The following ZFPM2 variants were observed in gnomAD, a reference collection of about 807,000 sequenced individuals.
ZFPM2 encodes the protein zinc finger protein, FOG family member 2.
Under a neutral mutation model 98.6 loss-of-function variants are expected in ZFPM2, and 20 were observed. The observed-to-expected ratio is 0.20, with a 90% CI of 0.14 to 0.29. The LOEUF (loss-of-function observed/expected upper bound fraction) is 0.29, where lower values mean the gene tolerates loss of function less well. Ranked by LOEUF, ZFPM2 falls within the 10% of genes least tolerant of loss-of-function variation. The pLI is 1.00. For synonymous variants in ZFPM2, 518 were observed against 502.7 expected (o/e 1.03, Z -0.41); for missense variants, 1,310 against 1,388.6 (o/e 0.94, Z 0.90).
chr8:105,529,385 A>G (rs1268379795), intron 3 of ZFPM2, among the ~76,000 whole-genome samples: 1 of 152,172 alleles, frequency 6.6e-6, no homozygotes, highest in Non-Finnish European at 1.5e-5. Context: ...AATTTTGAAC[A>G]TAAATTTGCC....
chr8:105,335,039 AC>A (rs1812303011), intron 1 of ZFPM2, among the ~76,000 whole-genome samples: 1 of 151,602 alleles, frequency 6.6e-6, no homozygotes, highest in Non-Finnish European at 1.5e-5. Flanking sequence ...CAGCATAAAT[AC>A]CCCCTGATAA....
chr8:105,517,742 C>CACACACACACACACACACACACA (rs1586430844), intron 3 of ZFPM2, among the ~76,000 whole-genome samples: 2 of 150,076 alleles, frequency 1.3e-5, no homozygotes, highest in Admixed American at 6.6e-5. Context: ...CACACACACA[C>CACACACACACACACACACACACA]CCCTAGTTGG....
At chr8:105,601,959 C>A (rs1816101827) in intron 4 of ZFPM2, among the ~76,000 whole-genome samples, 1 of 152,064 alleles carries the variant, frequency 6.6e-6, no homozygotes, top group South Asian at 2.1e-4. Context: ...ATTCAGAAAC[C>A]CTCAGGACGC....
chr8:105,664,226 C>G (rs1817446726), intron 5 of ZFPM2, among the ~76,000 whole-genome samples: 1 of 152,124 alleles, frequency 6.6e-6, no homozygotes, highest in Admixed American at 6.5e-5. Flanking sequence ...TAGTGATTCA[C>G]TAAGTTATGC....
At chr8:105,593,398 AAAAAAATTATTACCT>A (rs1053114888) in intron 4 of ZFPM2, among the ~76,000 whole-genome samples, 9 of 152,160 alleles carry the variant, frequency 5.9e-5, no homozygotes, top group Admixed American at 3.3e-4. Flanking sequence ...GAATTCTGAA[AAAAAAATTATTACCT>A]TATCTGGAAT....
intron 2 of ZFPM2, among the ~76,000 whole-genome samples, chr8:105,434,070 A>G (rs1194747750): frequency 1.3e-5 from 2 of 152,200 alleles, no homozygotes; most frequent in Non-Finnish European, 2.9e-5. Flanking sequence ...TACCCAGAAG[A>G]TGGGAAAACT....
In ZFPM2 at chr8:105,413,174, TC is replaced by T. The variant is rs1369824734; in HGVS notation, c.41-5968del. Among the ~76,000 whole-genome samples the T allele has an allele frequency of 2.6e-5, 4 of 151,862 alleles. No homozygotes were observed. In the Admixed American group the frequency reaches 2.6e-4, roughly 10 times the overall value. ...TATATTTTGTATTTTGTGAATGTTA[TC>T]CTGAAATTAACAGAAATACAAGCCA... is the stretch of plus-strand genomic sequence containing the variant. On this transcript the variant is annotated intron_variant, in intron 1 of 7. Coordinates refer to ENST00000407775, the MANE Select transcript of ZFPM2 (RefSeq NM_012082.4).
chr8:105,503,905 AG>A (rs1268523986), intron 3 of ZFPM2, among the ~76,000 whole-genome samples: 3 of 152,174 alleles, frequency 2.0e-5, no homozygotes, highest in African/African-American at 4.8e-5. Flanking sequence ...AAGAATTTTA[AG>A]GTTTATTAAT....
chr8:105,405,637 C>T (rs1334056181), intron 1 of ZFPM2, among the ~76,000 whole-genome samples: 1 of 151,946 alleles, frequency 6.6e-6, no homozygotes, highest in Non-Finnish European at 1.5e-5. Context: ...GCATAGTATT[C>T]CATGGTGTAT....
intron 5 of ZFPM2, among the ~76,000 whole-genome samples, chr8:105,740,284 CA>C (rs1007253188): frequency 6.6e-6 from 1 of 151,640 alleles, no homozygotes; most frequent in African/African-American, 2.4e-5. Flanking sequence ...AAGAGAGGAA[CA>C]AAAATAATTG....
intron 5 of ZFPM2, among the ~76,000 whole-genome samples, chr8:105,778,207 T>C (rs1813150910): frequency 6.6e-6 from 1 of 152,282 alleles, no homozygotes; most frequent in Admixed American, 6.5e-5. Context: ...TGGTTACGTA[T>C]AGATATATGT....
Position 105,414,605 on chromosome 8 carries a change from C to T in ZFPM2, c.41-4539C>T, listed in dbSNP as rs538785808. ...ATGCCTATATGTTTTCGCATCCCCC[C>T]CTTTTTTTTTTCTGAAATTTTCTTT... is the stretch of plus-strand genomic sequence containing the variant. On this transcript the variant is annotated intron_variant, in intron 1 of 7. Coordinates refer to ENST00000407775, the MANE Select transcript of ZFPM2 (RefSeq NM_012082.4). 2.0e-5 allele frequency among the ~76,000 whole-genome samples: 3 copies of T among 151,844 alleles called. No homozygotes were observed. The South Asian group carries it at 6.2e-4, about 32-fold the overall frequency.
intron 4 of ZFPM2, among the ~76,000 whole-genome samples, chr8:105,582,903 T>C (rs970495085): frequency 2.0e-5 from 3 of 152,112 alleles, no homozygotes; most frequent in Admixed American, 6.6e-5. Context: ...CTGTTTTCAG[T>C]TTTTAGTGTG....
intron 3 of ZFPM2, among the ~76,000 whole-genome samples, chr8:105,459,697 G>A (rs773014016): frequency 6.6e-5 from 10 of 152,148 alleles, no homozygotes; most frequent in Admixed American, 1.3e-4. Context: ...GACTCCTGGT[G>A]TGTGTTCCTC....
At chr8:105,409,322 A>G (rs1202233212) in intron 1 of ZFPM2, among the ~76,000 whole-genome samples, 3 of 151,908 alleles carry the variant, frequency 2.0e-5, no homozygotes, top group Admixed American at 6.6e-5. Flanking sequence ...ATCCTGGTCA[A>G]TTGTTTGCAT....
At chr8:105,449,960 A>T (rs1169651194) in intron 3 of ZFPM2, among the ~76,000 whole-genome samples, 1 of 152,138 alleles carries the variant, frequency 6.6e-6, no homozygotes, top group Non-Finnish European at 1.5e-5. Context: ...TTTGCAATGT[A>T]AAAGTCATCG....
At chr8:105,784,824 T>A (rs1292745983) in intron 5 of ZFPM2, 2 of 145,578 alleles carry the variant, frequency 1.4e-5, no homozygotes, top group Non-Finnish European at 2.9e-5. Flanking sequence ...AAAATTTTAT[T>A]AGCATCAGTA....
Position 105,707,308 on chromosome 8 carries a change from A to G in ZFPM2, c.532+72951A>G, listed in dbSNP as rs150236763. Among the ~76,000 whole-genome samples the G allele has an allele frequency of 3.4e-3, 517 of 152,128 alleles. 5 individuals carry two copies. The highest frequency in any genetic ancestry group is 0.011 in the African/African-American group (467 of 41,486). On this transcript the variant is annotated intron_variant, in intron 5 of 7. Transcript: ENST00000407775. ...TTTTCTTACCCCAAATTCTCCTTCT[A>G]CTTTATCAGGTGAGGCTCTATGTAA...
chr8:105,322,897 C>T (rs553613531), intron 1 of ZFPM2, among the ~76,000 whole-genome samples: 175 of 152,020 alleles, frequency 1.2e-3, no homozygotes, highest in African/African-American at 3.9e-3. Flanking sequence ...TTAGGCCGTA[C>T]GAATTCCTAA....
Sources: allele counts gnomAD v4.1 joint callset (sites outside exome capture counted in the v4.1 genomes callset), GRCh38; gene constraint gnomAD v4.1.1; transcripts MANE v1.5; gene names NCBI Gene and HGNC (gene_info 2026-07-23, HGNC 2026-07-21).